Variants in KCNH7 observed in about 807,000 individuals in gnomAD.
KCNH7 encodes potassium voltage-gated channel subfamily H member 7, also known as voltage-gated inwardly rectifying potassium channel KCNH7.
A neutral mutation model predicts 120.8 loss-of-function variants in KCNH7; 49 were observed. The ratio of observed to expected loss-of-function variants is 0.41; its 90% confidence interval spans 0.32 to 0.51. The LOEUF is 0.51. Among genes scored for constraint, KCNH7 ranks in the 20% least tolerant of loss-of-function variants. The pLI, the probability that KCNH7 is intolerant of heterozygous loss-of-function variation, is 0.38. For missense variants in KCNH7, 1,097 were observed against 1,446.6 expected, an observed-to-expected ratio of 0.76 and a Z score of 3.92; for synonymous variants, 547 against 516.1, an observed-to-expected ratio of 1.06 and a Z score of -0.81.
intron 2 of KCNH7, among the ~76,000 whole-genome samples, chr2:162,750,743 G>GT (rs1430964113): frequency 6.6e-6 from 1 of 152,014 alleles, no homozygotes; most frequent in African/African-American, 2.4e-5. Flanking sequence ...TGTTTGACAG[G>GT]TTTTTTGGGT....
chr2:162,586,547 T>A (rs1014668958), intron 2 of KCNH7, among the ~76,000 whole-genome samples: 12 of 152,014 alleles, frequency 7.9e-5, no homozygotes, highest in African/African-American at 2.9e-4. Context: ...AGAGCCCAAA[T>A]TGCAGAATCA....
intron 2 of KCNH7, among the ~76,000 whole-genome samples, chr2:162,823,520 G>T (rs2105598363): frequency 6.6e-6 from 1 of 152,278 alleles, no homozygotes. Flanking sequence ...TGGTAATGAG[G>T]AGGGGTTGAT....
chr2:162,664,657 T>C (rs1336610732), intron 2 of KCNH7, among the ~76,000 whole-genome samples: 2 of 152,134 alleles, frequency 1.3e-5, no homozygotes, highest in African/African-American at 4.8e-5. Flanking sequence ...CAATAATAAA[T>C]TGGAGTTTGT....
intron 6 of KCNH7, among the ~76,000 whole-genome samples, chr2:162,459,805 A>T (rs1481136568): frequency 6.6e-6 from 1 of 152,068 alleles, no homozygotes; most frequent in East Asian, 1.9e-4. Context: ...CGGTAAAGAA[A>T]TGCAAAGAGG....
intron 2 of KCNH7, among the ~76,000 whole-genome samples, chr2:162,752,505 C>T (rs1412234598): frequency 6.6e-6 from 1 of 151,958 alleles, no homozygotes; most frequent in Non-Finnish European, 1.5e-5. Context: ...CAATTCATTT[C>T]CTATGAATTA....
intron 2 of KCNH7, among the ~76,000 whole-genome samples, chr2:162,603,874 CAT>C (rs151213925): frequency 0.043 from 6,511 of 152,136 alleles, 183 homozygotes; most frequent in Non-Finnish European, 0.066. Context: ...CATTTAAAAA[CAT>C]ATAAAATATT....
intron 2 of KCNH7, among the ~76,000 whole-genome samples, chr2:162,676,764 C>T (rs909728918): frequency 6.6e-6 from 1 of 151,242 alleles, no homozygotes; most frequent in African/African-American, 2.4e-5. Flanking sequence ...AAATGAAGTC[C>T]CCCAGTGTAA....
chr2:162,382,719 T>C (rs1251436097), intron 13 of KCNH7, among the ~76,000 whole-genome samples: 1 of 151,966 alleles, frequency 6.6e-6, no homozygotes, highest in Non-Finnish European at 1.5e-5. Context: ...GGTTTAGTAG[T>C]TTGAACTGCA....
At chr2:162,423,243 G>T in intron 9 of KCNH7, 93 bp downstream of exon 9, 6 of 1,602,288 alleles carry the variant, frequency 3.7e-6, no homozygotes, top group Non-Finnish European at 4.3e-6. Flanking sequence ...ACAAAAGCAA[G>T]GGGTTCAAAG....
At chr2:162,736,722 G>T (rs1271991264) in intron 2 of KCNH7, among the ~76,000 whole-genome samples, 1 of 152,118 alleles carries the variant, frequency 6.6e-6, no homozygotes, top group African/African-American at 2.4e-5. Flanking sequence ...GGAAGATAGA[G>T]AGCATCAAGC....
chr2:162,457,621 T>G (rs1039974748), intron 6 of KCNH7, among the ~76,000 whole-genome samples: 2 of 152,194 alleles, frequency 1.3e-5, no homozygotes, highest in South Asian at 2.1e-4. Flanking sequence ...CTCTTCACTT[T>G]CAAAAAGTGC....
chr2:162,816,113 C>T (rs116111810), intron 2 of KCNH7, among the ~76,000 whole-genome samples: 97 of 152,014 alleles, frequency 6.4e-4, no homozygotes, highest in East Asian at 2.3e-3. Context: ...CAAAATTAGC[C>T]GGTTGTGGTG....
intron 4 of KCNH7, among the ~76,000 whole-genome samples, chr2:162,516,644 A>G (rs1691307657): frequency 6.6e-6 from 1 of 151,712 alleles, no homozygotes; most frequent in Non-Finnish European, 1.5e-5. Flanking sequence ...TCAAGAACCA[A>G]ATCTATGGGA....
At chr2:162,627,509 C>G (rs1683602225) in intron 2 of KCNH7, among the ~76,000 whole-genome samples, 2 of 152,132 alleles carry the variant, frequency 1.3e-5, no homozygotes, top group South Asian at 4.1e-4. Flanking sequence ...ATAATAAATA[C>G]TAAGATAACA....
chr2:162,570,833 C>A (rs1693445838), intron 2 of KCNH7, among the ~76,000 whole-genome samples: 1 of 151,962 alleles, frequency 6.6e-6, no homozygotes, highest in Non-Finnish European at 1.5e-5. Flanking sequence ...AGGCCTTTGA[C>A]AAAATTCAAC....
At chr2:162,718,457 G>A (rs1035400393) in intron 2 of KCNH7, among the ~76,000 whole-genome samples, 2 of 152,008 alleles carry the variant, frequency 1.3e-5, no homozygotes, top group African/African-American at 4.8e-5. Flanking sequence ...AGTAGACTTG[G>A]TTTAGGAAAT....
intron 2 of KCNH7, among the ~76,000 whole-genome samples, chr2:162,699,577 T>C (rs1189843113): frequency 6.6e-6 from 1 of 152,202 alleles, no homozygotes; most frequent in Non-Finnish European, 1.5e-5. Flanking sequence ...AGTAATGGGT[T>C]CTTTACTTCA....
At chr2:162,520,311 T>C (rs1215017518) in intron 3 of KCNH7, among the ~76,000 whole-genome samples, 1 of 151,570 alleles carries the variant, frequency 6.6e-6, no homozygotes, top group Non-Finnish European at 1.5e-5. Context: ...TGATTTCACC[T>C]CCTGAATATC....
chr2:162,748,832 CCTCCT>C (rs1303185864), intron 2 of KCNH7, among the ~76,000 whole-genome samples: 36 of 112,790 alleles, frequency 3.2e-4, no homozygotes, highest in African/African-American at 1.4e-3. Context: ...CCTCCCCTCC[CCTCCT>C]CTCCCCTCCC....
Sources: gnomAD v4.1 joint callset for allele counts (sites outside exome capture counted in the v4.1 genomes callset) on GRCh38, gnomAD v4.1.1 for gene constraint, MANE v1.5 for transcripts, NCBI Gene and HGNC (gene_info 2026-07-23, HGNC 2026-07-21) for gene names.